TAFA1: variants seen among roughly 807,000 people sequenced by gnomAD.
The protein encoded by TAFA1 is TAFA chemokine like family member 1.
Under a neutral mutation model 18.5 loss-of-function variants are expected in TAFA1, and 4 were observed. That is an observed-to-expected ratio of 0.22 (90% CI 0.11 to 0.49). The LOEUF (loss-of-function observed/expected upper bound fraction) is 0.49, where lower values mean the gene tolerates loss of function less well. Ranked by LOEUF, TAFA1 falls within the 20% of genes least tolerant of loss-of-function variation. The pLI, the probability that TAFA1 is intolerant of heterozygous loss-of-function variation, is 0.98. For synonymous variants in TAFA1, 56 were observed against 55.2 expected, an observed-to-expected ratio of 1.01 and a Z score of -0.06; for missense variants, 147 against 169.0, an observed-to-expected ratio of 0.87 and a Z score of 0.72.
At chr3:68,399,421 T>C (rs1320003521) in intron 2 of TAFA1, among the ~76,000 whole-genome samples, 1 of 152,188 alleles carries the variant, frequency 6.6e-6, no homozygotes, top group Non-Finnish European at 1.5e-5. Context: ...TCCAGTTGAC[T>C]AAGAATCAGT....
At chr3:68,142,002 A>G (rs2065672555) in intron 2 of TAFA1, among the ~76,000 whole-genome samples, 1 of 152,168 alleles carries the variant, frequency 6.6e-6, no homozygotes, top group South Asian at 2.1e-4. Flanking sequence ...GTGAATCTCC[A>G]TCAGTAATCT....
chr3:68,461,647 A>C (rs1340566363), intron 3 of TAFA1, among the ~76,000 whole-genome samples: 1 of 151,486 alleles, frequency 6.6e-6, no homozygotes. Context: ...CCATGATGTC[A>C]GTAAGAATGA....
chr3:68,116,128 C>G (rs930328357), intron 2 of TAFA1, among the ~76,000 whole-genome samples: 4 of 151,822 alleles, frequency 2.6e-5, no homozygotes, highest in Non-Finnish European at 5.9e-5. Flanking sequence ...GGTGGCGGGC[C>G]CCTGTAGTCC....
intron 3 of TAFA1, among the ~76,000 whole-genome samples, chr3:68,533,559 G>A (rs545464245): frequency 3.9e-5 from 6 of 152,282 alleles, no homozygotes; most frequent in Non-Finnish European, 7.4e-5. Context: ...AGCAGGCAGA[G>A]GAACAGTAAA....
chr3:68,359,246 A>G (rs948569685), intron 2 of TAFA1, among the ~76,000 whole-genome samples: 4 of 152,046 alleles, frequency 2.6e-5, no homozygotes, highest in Non-Finnish European at 4.4e-5. Context: ...AAAATTGCAG[A>G]ACAGACTTCA....
chr3:68,334,175 G>A (rs1221766347), intron 2 of TAFA1, among the ~76,000 whole-genome samples: 1 of 152,174 alleles, frequency 6.6e-6, no homozygotes, highest in Non-Finnish European at 1.5e-5. Flanking sequence ...GCTATGAGGT[G>A]ATGAACATGC....
intron 2 of TAFA1, among the ~76,000 whole-genome samples, chr3:68,083,437 C>T (rs189664876): frequency 6.6e-6 from 1 of 152,342 alleles, no homozygotes; most frequent in Admixed American, 6.5e-5. Context: ...ACAAAGTGAT[C>T]ATTATGTGTG....
intron 2 of TAFA1, among the ~76,000 whole-genome samples, chr3:68,305,439 A>C (rs1487663621): frequency 1.4e-4 from 17 of 119,834 alleles, no homozygotes; most frequent in Non-Finnish European, 3.5e-5. Flanking sequence ...ATATATATAT[A>C]TATATATATA....
chr3:68,373,807 C>T (rs1372611774), intron 2 of TAFA1, among the ~76,000 whole-genome samples: 1 of 152,148 alleles, frequency 6.6e-6, no homozygotes, highest in African/African-American at 2.4e-5. Context: ...GAAGGAAAAG[C>T]TTATCAGTAT....
intron 3 of TAFA1, among the ~76,000 whole-genome samples, chr3:68,487,814 A>AAC (rs1390718471): frequency 3.1e-4 from 47 of 151,786 alleles, no homozygotes; most frequent in African/African-American, 1.1e-3. Flanking sequence ...ACCAAAAGAA[A>AAC]AAAAAAAAAG....
chr3:68,401,706 C>A (rs145079290), intron 2 of TAFA1, among the ~76,000 whole-genome samples: 1 of 152,282 alleles, frequency 6.6e-6, no homozygotes, highest in Admixed American at 6.5e-5. Context: ...CAGGTACCAG[C>A]CCTTGTTAAC....
intron 3 of TAFA1, among the ~76,000 whole-genome samples, chr3:68,507,699 A>T (rs1391199634): frequency 6.6e-6 from 1 of 152,116 alleles, no homozygotes; most frequent in African/African-American, 2.4e-5. Context: ...GGTTCTTAGC[A>T]TATCTCACTG....
chr3:68,030,541 T>G (rs1279156005), intron 2 of TAFA1, among the ~76,000 whole-genome samples: 3 of 152,152 alleles, frequency 2.0e-5, no homozygotes, highest in African/African-American at 7.2e-5. Flanking sequence ...TGTGTTAGTT[T>G]GCTGAGAATG....
At chr3:68,291,988 G>A (rs890771467) in intron 2 of TAFA1, among the ~76,000 whole-genome samples, 2 of 152,058 alleles carry the variant, frequency 1.3e-5, no homozygotes, top group Non-Finnish European at 2.9e-5. Context: ...TTACACCAAT[G>A]TAGTAAAACA....
intron 3 of TAFA1, among the ~76,000 whole-genome samples, chr3:68,528,375 C>T (rs2073137755): frequency 6.6e-6 from 1 of 152,164 alleles, no homozygotes; most frequent in Non-Finnish European, 1.5e-5. Flanking sequence ...ATCGCATACC[C>T]AAGAGTTTAG....
At chr3:68,407,360 G>A (rs2070631845) in intron 2 of TAFA1, among the ~76,000 whole-genome samples, 1 of 152,018 alleles carries the variant, frequency 6.6e-6, no homozygotes, top group Non-Finnish European at 1.5e-5. Flanking sequence ...GGATGTCAGT[G>A]TTAGTCTCTG....
At chr3:68,511,453 G>T (rs1051813602) in intron 3 of TAFA1, among the ~76,000 whole-genome samples, 6 of 152,084 alleles carry the variant, frequency 3.9e-5, no homozygotes, top group African/African-American at 1.4e-4. Context: ...TTACACTGGA[G>T]AAGGTAACTA....
At chr3:68,357,662 G>T (rs1263688556) in intron 2 of TAFA1, among the ~76,000 whole-genome samples, 1 of 151,870 alleles carries the variant, frequency 6.6e-6, no homozygotes, top group Non-Finnish European at 1.5e-5. Flanking sequence ...AGACACAGGG[G>T]GAGAAAATGG....
intron 2 of TAFA1, among the ~76,000 whole-genome samples, chr3:68,044,447 T>C (rs1218386905): frequency 6.6e-6 from 1 of 152,170 alleles, no homozygotes; most frequent in Non-Finnish European, 1.5e-5. Context: ...CTGAACTTTC[T>C]GCAGTGACCT....
Sources: allele counts gnomAD v4.1 joint callset (sites outside exome capture counted in the v4.1 genomes callset), GRCh38; gene constraint gnomAD v4.1.1; transcripts MANE v1.5; gene names NCBI Gene and HGNC (gene_info 2026-07-23, HGNC 2026-07-21).